MARVELD2: variants seen among roughly 807,000 people sequenced by gnomAD.
MARVELD2 encodes MARVEL domain containing 2, also known as MARVEL domain-containing protein 2.
A neutral mutation model predicts 57.6 loss-of-function variants in MARVELD2; 49 were observed. The observed-to-expected ratio is 0.85, with a 90% CI of 0.68 to 1.08. The LOEUF (loss-of-function observed/expected upper bound fraction) is 1.08. Ranked by LOEUF, MARVELD2 falls within the 50% of genes least tolerant of loss-of-function variation. The pLI is 0.00. For synonymous variants in MARVELD2, 238 were observed against 258.8 expected (o/e 0.92, Z 0.77); for missense variants, 606 against 701.1 (o/e 0.86, Z 1.53).
chr5:69,417,233 C>A (rs555521224), intron 1 of MARVELD2, among the ~76,000 whole-genome samples: 4 of 152,192 alleles, frequency 2.6e-5, no homozygotes, highest in African/African-American at 9.7e-5. Flanking sequence ...CCTGCCCACT[C>A]GGTTTAAGAT....
At chr5:69,417,112 G>A (rs768015686) in intron 1 of MARVELD2, among the ~76,000 whole-genome samples, 11 of 152,174 alleles carry the variant, frequency 7.2e-5, no homozygotes, top group Non-Finnish European at 1.2e-4. Context: ...CTGCTTCAGG[G>A]CATTTGCGCT....
At chr5:69,424,487 G>A in intron 2 of MARVELD2, 114 bp from the exon 3 acceptor site, 1 of 842,134 alleles carries the variant, frequency 1.2e-6, no homozygotes, top group Non-Finnish European at 2.0e-6. Flanking sequence ...CACCCGTCAA[G>A]TAGAGGATCA....
chr5:69,415,323 C>G (rs1038781687), intron 1 of MARVELD2, 153 bp downstream of exon 1: 1 of 152,188 alleles, frequency 6.6e-6, no homozygotes, highest in Non-Finnish European at 1.5e-5. Context: ...GGGAGGCCCG[C>G]GTCCCGCCAG....
chr5:69,419,852 G>A lies in MARVELD2; in HGVS notation c.467G>A (p.Arg156Gln), dbSNP rs1420972013. ...AAAGAGGCTGACGCAGTGTTTCCCC[G>A]GGATCCCTATGGATCTCTAGACCGA... is the stretch of plus-strand genomic sequence containing the variant. Reference protein sequence around the residue: ...SRKEADAVFPRDPYGSLDRHT... With the variant: ...SRKEADAVFPQDPYGSLDRHT... The change falls in exon 2 of 7, where the codon CGG becomes CAG. Residue 156 changes from arginine to glutamine, a missense_variant. Arg to Gln is a conservative substitution (Grantham distance 43). Coordinates refer to ENST00000325631, the MANE Select transcript of MARVELD2 (RefSeq NM_001038603.3). 17 of 1,614,114 alleles carry A rather than the reference G, an allele frequency of 1.1e-5. No homozygotes were observed. Among genetic ancestry groups the A allele is most frequent in the South Asian group, 4.4e-5 (4 of 91,076 alleles).
intron 5 of MARVELD2, 56 bp from the exon 6 acceptor site, chr5:69,440,394 T>C (rs1580502911): frequency 3.4e-6 from 3 of 874,284 alleles, no homozygotes; most frequent in East Asian, 4.9e-5. Flanking sequence ...TGCTTTGAGA[T>C]ATGATTTGAG....
chr5:69,415,670 G>C (rs1421849581), intron 1 of MARVELD2: 2 of 152,234 alleles, frequency 1.3e-5, no homozygotes, highest in African/African-American at 2.4e-5. Context: ...CCTCGGAAGC[G>C]CAGAAGTATC....
rs776007843 is a variant in MARVELD2 at position 69,432,540 on chromosome 5, C to T, written c.1196C>T (p.Thr399Ile). Reference protein sequence around the residue: ...SSKRKMCEMATSGDRQRDSEV... With the variant: ...SSKRKMCEMAISGDRQRDSEV... ...CCCTAACTGCAGTGTGAAATGGCCA[C>T]CAGTGGTGACAGACAAAGAGACTCA... The change falls in exon 4 of 7, where the codon ACC becomes ATC. Residue 399 changes from threonine (T) to isoleucine (I), a missense_variant. Coordinates refer to ENST00000325631, the MANE Select transcript of MARVELD2 (RefSeq NM_001038603.3). 2.5e-6 allele frequency: 4 copies of T among 1,614,120 alleles called. No homozygotes were observed. Among genetic ancestry groups the T allele is most frequent in the East Asian group, 2.2e-5 (1 of 44,884 alleles).
intron 3 of MARVELD2, among the ~76,000 whole-genome samples, chr5:69,427,713 G>C (rs1270691953): frequency 6.6e-6 from 1 of 152,208 alleles, no homozygotes; most frequent in African/African-American, 2.4e-5. Flanking sequence ...CTGTCATCAA[G>C]AGTACTGTCT....
At chr5:69,425,682 A>C (rs962524275) in intron 3 of MARVELD2, among the ~76,000 whole-genome samples, 1 of 151,322 alleles carries the variant, frequency 6.6e-6, no homozygotes. Flanking sequence ...TCAGATGCCA[A>C]ATTTTTTACT....
Position 69,420,874 on chromosome 5 carries a change from T to C in MARVELD2, c.1146+343T>C, listed in dbSNP as rs562859072. Among the ~76,000 whole-genome samples the C allele has an allele frequency of 1.1e-4, 16 of 152,344 alleles. No homozygotes were observed. In the South Asian group the frequency reaches 3.1e-3, roughly 30 times the overall value. ...TTGCAAAGAAGAAGAGTGTACTCAG[T>C]AAAATAAGTGTCTCATCATTAAGTT... On this transcript the variant is annotated intron_variant, in intron 2 of 6. Coordinates refer to ENST00000325631, the MANE Select transcript of MARVELD2 (RefSeq NM_001038603.3).
chr5:69,429,779 G>A (rs1303427733), intron 3 of MARVELD2, among the ~76,000 whole-genome samples: 1 of 151,188 alleles, frequency 6.6e-6, no homozygotes, highest in African/African-American at 2.4e-5. Flanking sequence ...AGGAGTTCGA[G>A]GCTGCAGTGA....
intron 5 of MARVELD2, among the ~76,000 whole-genome samples, chr5:69,436,016 T>A (rs1339106143): frequency 6.6e-6 from 1 of 152,178 alleles, no homozygotes; most frequent in Non-Finnish European, 1.5e-5. Context: ...ATATACCACA[T>A]TTTGTTTATC....
chr5:69,427,369 C>T (rs1032111287), intron 3 of MARVELD2, among the ~76,000 whole-genome samples: 1 of 151,494 alleles, frequency 6.6e-6, no homozygotes, highest in African/African-American at 2.4e-5. Flanking sequence ...TAAATGCATA[C>T]TGAAACACAT....
At chr5:69,423,137 C>T (rs889734097) in intron 2 of MARVELD2, among the ~76,000 whole-genome samples, 1 of 152,208 alleles carries the variant, frequency 6.6e-6, no homozygotes, top group African/African-American at 2.4e-5. Flanking sequence ...CTCTGGTGAT[C>T]CATCTGCCTT....
chr5:69,431,631 C>G (rs972246380), intron 3 of MARVELD2, among the ~76,000 whole-genome samples: 1 of 152,024 alleles, frequency 6.6e-6, no homozygotes, highest in Non-Finnish European at 1.5e-5. Flanking sequence ...CATCATCCAC[C>G]TTTGACATGT....
At position 69,419,673 on chromosome 5, in the gene MARVELD2, C is replaced by A. The variant is rs73113102; in HGVS notation, c.288C>A (p.Asp96Glu). The A allele has an allele frequency of 5.3e-5, 86 of 1,614,160 alleles. No homozygotes were observed. Among genetic ancestry groups the A allele is most frequent in the Middle Eastern group, 3.3e-4 (2 of 6,062 alleles). The change falls in exon 2 of 7, where the codon GAC becomes GAA. Residue 96 changes from aspartate to glutamate, a missense_variant. Transcript: ENST00000325631. ...ACTTTTTCAGAGGGAAGAAAAAGGACCCCGAATGGGATAAGCCGGTGTCTG... is the reference window on the plus strand; with the variant it reads ...ACTTTTTCAGAGGGAAGAAAAAGGAACCCGAATGGGATAAGCCGGTGTCTG... ...WKNFFRGKKK[D>E]PEWDKPVSDI... is the part of the protein sequence containing the mutation.
At chr5:69,439,757 G>GAA (rs1331196287) in intron 5 of MARVELD2, among the ~76,000 whole-genome samples, 1 of 143,066 alleles carries the variant, frequency 7.0e-6, no homozygotes, top group Admixed American at 7.0e-5. Context: ...GTCTTAAAAT[G>GAA]AAAAAAAAAA....
intron 1 of MARVELD2, among the ~76,000 whole-genome samples, chr5:69,416,962 A>G (rs1452739457): frequency 1.3e-5 from 2 of 152,206 alleles, no homozygotes; most frequent in African/African-American, 4.8e-5. Flanking sequence ...CTAGCAAAAG[A>G]CAAAGTCCTT....
chr5:69,424,459 CA>C (rs1554046792), intron 2 of MARVELD2, 141 bp from the exon 3 acceptor site: 6 of 705,894 alleles, frequency 8.5e-6, no homozygotes, highest in East Asian at 2.7e-5. Context: ...AAAACCTAGG[CA>C]AAAAAAGGAT....
Sources: allele counts gnomAD v4.1 joint callset (sites outside exome capture counted in the v4.1 genomes callset), GRCh38; gene constraint gnomAD v4.1.1; transcripts MANE v1.5; gene names NCBI Gene and HGNC (gene_info 2026-07-23, HGNC 2026-07-21).